Variants in RBP4 observed in about 807,000 individuals in gnomAD.
The protein encoded by RBP4 is retinol binding protein 4.
In RBP4, 9 loss-of-function variants were observed where a neutral mutation model predicts 26.2. The ratio of observed to expected loss-of-function variants is 0.34; its 90% CI spans 0.21 to 0.60. RBP4 has a LOEUF of 0.60. Ranked by LOEUF, RBP4 falls within the 20% of genes least tolerant of loss-of-function variation. RBP4 has a pLI of 0.80. For synonymous variants in RBP4, 114 were observed against 111.0 expected, an observed-to-expected ratio of 1.03 and a Z score of -0.17; for missense variants, 244 against 271.3, an observed-to-expected ratio of 0.90 and a Z score of 0.71.
intron 4 of RBP4, among the ~76,000 whole-genome samples, chr10:93,596,924 C>G (rs12768100): frequency 6.6e-6 from 1 of 152,034 alleles, no homozygotes; most frequent in African/African-American, 2.4e-5. Context: ...GCAACAGATT[C>G]AATGCTATTT....
chr10:93,599,261 T>C (rs76553992), intron 4 of RBP4, among the ~76,000 whole-genome samples: 1 of 150,914 alleles, frequency 6.6e-6, no homozygotes, highest in African/African-American at 2.4e-5. Flanking sequence ...AAAAAAATAA[T>C]AATAAATTAA....
At chr10:93,596,044 G>A (rs546971491) in intron 4 of RBP4, among the ~76,000 whole-genome samples, 1 of 152,162 alleles carries the variant, frequency 6.6e-6, no homozygotes, top group Non-Finnish European at 1.5e-5. Flanking sequence ...GAGTATCTGG[G>A]TGGTCTTCCT....
chr10:93,592,185 A>G (rs1376401065), intron 5 of RBP4, 73 bp from the exon 6 acceptor site: 1 of 1,286,452 alleles, frequency 7.8e-7, no homozygotes, highest in East Asian at 2.3e-5. Context: ...GAACATCATG[A>G]TGGCCTTAGA....
upstream of RBP4, chr10:93,601,277 G>A (rs2058337855): frequency 2.5e-6 from 3 of 1,217,830 alleles, no homozygotes; most frequent in East Asian, 3.6e-5. Flanking sequence ...GCGCCGGGGG[G>A]AGGGGGTCGC....
At chr10:93,600,618 TGG>T in intron 3 of RBP4, 47 bp downstream of exon 3, 1 of 1,612,516 alleles carries the variant, frequency 6.2e-7, no homozygotes, top group Non-Finnish European at 8.5e-7. Flanking sequence ...GCAGGGCCCT[TGG>T]GGAACCCTGG....
intron 4 of RBP4, among the ~76,000 whole-genome samples, chr10:93,595,982 A>G (rs914970399): frequency 6.6e-6 from 1 of 152,216 alleles, no homozygotes; most frequent in Admixed American, 6.5e-5. Flanking sequence ...CAGAAGCCAC[A>G]GGGCTGCCTG....
intron 5 of RBP4, among the ~76,000 whole-genome samples, chr10:93,592,904 G>A (rs541488632): frequency 1.8e-3 from 281 of 152,146 alleles, no homozygotes; most frequent in African/African-American, 6.1e-3. Flanking sequence ...TGCAGCCTCC[G>A]CCTCCCGGGC....
At chr10:93,599,751 G>GA (rs1460373819) in intron 4 of RBP4, among the ~76,000 whole-genome samples, 1 of 152,130 alleles carries the variant, frequency 6.6e-6, no homozygotes, top group Non-Finnish European at 1.5e-5. Flanking sequence ...AAAAAAATGG[G>GA]AAAAAGAGCA....
intron 5 of RBP4, among the ~76,000 whole-genome samples, chr10:93,593,029 G>T (rs1481507795): frequency 6.6e-6 from 1 of 152,124 alleles, no homozygotes; most frequent in Non-Finnish European, 1.5e-5. Context: ...TGTTGGCCAG[G>T]CCAATCTTGA....
intron 4 of RBP4, 97 bp downstream of exon 4, chr10:93,600,296 T>C: frequency 9.3e-7 from 1 of 1,076,768 alleles, no homozygotes; most frequent in Non-Finnish European, 1.4e-6. Flanking sequence ...CCGCAGGCCA[T>C]TCTTCCTAAG....
At chr10:93,599,468 T>C (rs2058322135) in intron 4 of RBP4, among the ~76,000 whole-genome samples, 1 of 152,110 alleles carries the variant, frequency 6.6e-6, no homozygotes, top group African/African-American at 2.4e-5. Context: ...AACAATACTT[T>C]GCAAAAGCTG....
At chr10:93,601,147 C>T in intron 1 of RBP4, 24 bp downstream of exon 1, 1 of 1,478,776 alleles carries the variant, frequency 6.8e-7, no homozygotes, top group Non-Finnish European at 8.9e-7. Flanking sequence ...CGCCGCCGGC[C>T]CCGAGGCCCC....
At position 93,593,957 on chromosome 10, in the gene RBP4, C is replaced by T. The variant is rs2058285469; in HGVS notation, c.434G>A (p.Gly145Asp). 6.2e-7 allele frequency: 1 copy of T among 1,613,926 alleles called. No homozygotes were observed. Residue 145 changes from glycine to aspartate, a missense_variant, in exon 5 of 6, where the codon GGC becomes GAC. Transcript: ENST00000371464. ...GAAGGAGTAGCTGTCAGCACAGGTGCCATCGAGGTTCAGGAGGCGGCAGGA... is the reference window on the plus strand; with the variant it reads ...GAAGGAGTAGCTGTCAGCACAGGTGTCATCGAGGTTCAGGAGGCGGCAGGA... ...QYSCRLLNLDGTCADSYSFVF... is the reference protein window; with the variant it reads ...QYSCRLLNLDDTCADSYSFVF...
chr10:93,601,183 A>G lies in RBP4; in HGVS notation c.-31T>C, dbSNP rs1589687446. 3 of 1,377,706 alleles carry G rather than the reference A, an allele frequency of 2.2e-6. No homozygotes were observed. The East Asian group carries it at 9.1e-5, about 42-fold the overall frequency. 85.3% of individuals were successfully genotyped at this position (1,377,706 alleles called of 1,614,324 possible). On this transcript the variant is annotated 5_prime_UTR_variant, in exon 1 of 6. Transcript: ENST00000371464. Reference sequence around the variant, plus strand: ...GGCCGCGACTCACCACCGGGAGGGGAACCGCGCGCAAGCCTGGCCGCCGAG... The same window carrying G: ...GGCCGCGACTCACCACCGGGAGGGGGACCGCGCGCAAGCCTGGCCGCCGAG...
In RBP4 at chr10:93,600,455, G is replaced by C; in HGVS notation, c.293C>G (p.Thr98Ser). 6.2e-7 allele frequency: 1 copy of C among 1,614,150 alleles called. No homozygotes were observed. The highest frequency in any genetic ancestry group is 8.5e-7 in the Non-Finnish European group (1 of 1,180,048). Residue 98 changes from threonine (T) to serine (S), a missense_variant, in exon 4 of 6, where the codon ACC becomes AGC. Coordinates refer to ENST00000371464, the MANE Select transcript of RBP4 (RefSeq NM_006744.4). ...CADMVGTFTDTEDPAKFKMKY... is the reference protein window; with the variant it reads ...CADMVGTFTDSEDPAKFKMKY... Reference sequence around the variant, plus strand: ...CATCTTGAACTTGGCAGGGTCCTCGGTGTCTGTGAAGGTGCCCACCATGTC... The same window carrying C: ...CATCTTGAACTTGGCAGGGTCCTCGCTGTCTGTGAAGGTGCCCACCATGTC...
intron 5 of RBP4, 54 bp downstream of exon 5, chr10:93,593,769 T>C: frequency 6.3e-7 from 1 of 1,587,320 alleles, no homozygotes; most frequent in Non-Finnish European, 8.6e-7. Flanking sequence ...GGCCCCTTAG[T>C]CCAAACCCAC....
chr10:93,600,577 C>T, intron 3 of RBP4, 78 bp from the exon 4 acceptor site: 2 of 1,612,734 alleles, frequency 1.2e-6, no homozygotes, highest in Non-Finnish European at 1.7e-6. Context: ...GTGCTCCCTT[C>T]CCTTCACAAT....
chr10:93,592,256 GA>G, intron 5 of RBP4, 144 bp from the exon 6 acceptor site: 1 of 741,528 alleles, frequency 1.3e-6, no homozygotes, highest in East Asian at 2.7e-5. Flanking sequence ...AACCCTTACG[GA>G]TACAGGTGGC....
chr10:93,599,141 C>G (rs2058319500), intron 4 of RBP4, among the ~76,000 whole-genome samples: 1 of 151,334 alleles, frequency 6.6e-6, no homozygotes, highest in South Asian at 2.1e-4. Flanking sequence ...TCCAGCTACT[C>G]AGGAGGCTGA....
Sources: gnomAD v4.1 joint callset for allele counts (sites outside exome capture counted in the v4.1 genomes callset) on GRCh38, gnomAD v4.1.1 for gene constraint, MANE v1.5 for transcripts, NCBI Gene and HGNC (gene_info 2026-07-23, HGNC 2026-07-21) for gene names.